Variants in IFI16 observed in about 807,000 individuals in gnomAD.
The protein encoded by IFI16 is gamma-interferon-inducible protein 16.
A neutral mutation model predicts 68.4 loss-of-function variants in IFI16; 49 were observed. That is an observed-to-expected ratio of 0.72 (90% CI 0.57 to 0.91). IFI16 has a LOEUF of 0.91. Ranked by LOEUF, IFI16 falls within the 40% of genes least tolerant of loss-of-function variation. The pLI is 0.00. For missense variants in IFI16, 878 were observed against 942.9 expected (o/e 0.93, Z 0.90); for synonymous variants, 307 against 315.0 (o/e 0.97, Z 0.27).
At position 159,049,443 on chromosome 1, in the gene IFI16, C is replaced by T. The variant is rs1347817337; in HGVS notation, c.1509C>T (p.Asp503=). 1 of 1,432,390 alleles carries T rather than the reference C, an allele frequency of 7.0e-7. No individual in the cohort carries two copies. Among genetic ancestry groups the T allele is most frequent in the Non-Finnish European group, 9.6e-7 (1 of 1,039,182 alleles). 88.7% of individuals were successfully genotyped at this position (1,432,390 alleles called of 1,614,324 possible). Residue 503 remains aspartate, a synonymous_variant, in exon 9 of 12, where the codon GAC becomes GAT. Transcript: ENST00000295809. The part of the protein sequence containing the change: ...SSSFLTTKSE[D]TISKMNDFMR... ...CTATTTTCCTTTAGAAAAGTGAAGA[C>T]ACAATCTCCAAAATGAATGACTTCA... is the stretch of plus-strand genomic sequence containing the variant.
chr1:159,048,727 A>T (rs917333393), intron 8 of IFI16, among the ~76,000 whole-genome samples: 1 of 151,526 alleles, frequency 6.6e-6, no homozygotes, highest in African/African-American at 2.4e-5. Context: ...TAGGGTGAAT[A>T]TTTTTTGGAC....
chr1:159,029,503 T>C (rs1003664472), intron 6 of IFI16, among the ~76,000 whole-genome samples: 11 of 152,178 alleles, frequency 7.2e-5, no homozygotes, highest in African/African-American at 2.7e-4. Flanking sequence ...CCGGGTGTTC[T>C]TTGAGCTTCT....
rs780264246 is a variant in IFI16, at chr1:159,045,512, A to C, written c.1497+48A>C. The C allele has an allele frequency of 1.2e-6, 2 of 1,601,242 alleles. 1 individual carries two copies. Among genetic ancestry groups the C allele is most frequent in the South Asian group, 2.2e-5 (2 of 90,368 alleles). ...ACATTCCCCTCACTACAATGTAATG[A>C]CAAGGATTAACACAACCTTGAAAGC... On this transcript the variant is annotated intron_variant, in intron 8 of 11. Coordinates refer to ENST00000295809, the MANE Select transcript of IFI16 (RefSeq NM_001376587.1).
At position 159,051,941 on chromosome 1, in the gene IFI16, A is replaced by C. The variant is rs761375277; in HGVS notation, c.1928A>C (p.Glu643Ala). The C allele has an allele frequency of 4.3e-6, 7 of 1,614,128 alleles. No individual in the cohort carries two copies. Among genetic ancestry groups the C allele is most frequent in the Non-Finnish European group, 5.9e-6 (7 of 1,179,968 alleles). ...ANYVCRNGFL[E>A]VYPFTLVADV... ...TATGTTTGCCGCAATGGGTTCCTGG[A>C]GGTATATCCTTTCACACTTGTGGCT... The change falls in exon 10 of 12, where the codon GAG becomes GCG. Residue 643 changes from glutamate (E) to alanine (A), a missense_variant. This residue lies in a region of IFI16 where 311 missense variants were observed against 305.1 expected (regional missense o/e 1.02). Coordinates refer to ENST00000295809, the MANE Select transcript of IFI16 (RefSeq NM_001376587.1).
chr1:159,037,512 A>T (rs1393301370), intron 7 of IFI16, among the ~76,000 whole-genome samples: 1 of 152,190 alleles, frequency 6.6e-6, no homozygotes, highest in Non-Finnish European at 1.5e-5. Flanking sequence ...CGACTCCTCT[A>T]AAGCATAGAT....
In IFI16 at chr1:159,018,617, G is replaced by A. The variant is rs1419767882; in HGVS notation, c.938G>A (p.Gly313Glu). ...GATATTCTTCACAAACAAGCTTCAG[G>A]AAATATTGTATATGGGGTATTTATG... ...KIDILHKQAS[G>E]NIVYGVFMLH... Residue 313 changes from glycine (G) to glutamate (E), a missense_variant, in exon 5 of 12, where the codon GGA (glycine) becomes GAA (glutamate). Physicochemically the swap from Gly to Glu is moderately conservative, Grantham distance 98. This residue lies in a region of IFI16 where 443 missense variants were observed against 421.8 expected (regional missense o/e 1.05). Coordinates refer to ENST00000295809, the MANE Select transcript of IFI16 (RefSeq NM_001376587.1). 1 of 1,613,016 alleles carries A rather than the reference G, an allele frequency of 6.2e-7. No homozygotes were observed. Among genetic ancestry groups the A allele is most frequent in the South Asian group, 1.1e-5 (1 of 90,986 alleles).
chr1:159,039,569 C>T lies in IFI16; in HGVS notation c.1330-5728C>T, dbSNP rs762329215. Among the ~76,000 whole-genome samples the T allele has an allele frequency of 2.6e-5, 4 of 152,218 alleles. No individual in the cohort carries two copies. The South Asian group carries it at 8.3e-4, about 32-fold the overall frequency. On this transcript the variant is annotated intron_variant, in intron 7 of 11. Coordinates refer to ENST00000295809, the MANE Select transcript of IFI16 (RefSeq NM_001376587.1). ...ATGTTGGCCAGACTGGTCTTGAACT[C>T]CTCACCTCAGGCAATCCTCCCGCCT...
intron 7 of IFI16, among the ~76,000 whole-genome samples, chr1:159,041,575 A>C (rs1654644234): frequency 6.6e-6 from 1 of 152,176 alleles, no homozygotes. Context: ...ACTCTGAGTC[A>C]TGCCCCCCTC....
intron 9 of IFI16, among the ~76,000 whole-genome samples, chr1:159,050,167 A>G (rs147024316): frequency 3.1e-3 from 469 of 152,320 alleles, no homozygotes; most frequent in African/African-American, 0.011. Flanking sequence ...TTTTATTAAT[A>G]TATCGTGAAC....
chr1:159,039,988 G>A (rs1180054363), intron 7 of IFI16, among the ~76,000 whole-genome samples: 1 of 152,166 alleles, frequency 6.6e-6, no homozygotes, highest in African/African-American at 2.4e-5. Flanking sequence ...AACCAATTTG[G>A]TGCTATCTTA....
upstream of IFI16, among the ~76,000 whole-genome samples, chr1:159,001,291 A>G (rs1652048210): frequency 6.6e-6 from 1 of 152,342 alleles, no homozygotes; most frequent in African/African-American, 2.4e-5. Context: ...AGCAACCTAT[A>G]TGGTAGAGGA....
At chr1:159,004,645 C>A (rs1175439205), upstream of IFI16, among the ~76,000 whole-genome samples, 2 of 152,008 alleles carry the variant, frequency 1.3e-5, no homozygotes, top group Non-Finnish European at 2.9e-5. Context: ...GCAGAGGTTG[C>A]AATGAGCCGA....
chr1:159,010,427 G>A (rs919097186), intron 1 of IFI16, among the ~76,000 whole-genome samples: 56 of 152,130 alleles, frequency 3.7e-4, no homozygotes, highest in African/African-American at 1.2e-3. Context: ...TTAATTATCC[G>A]AGTGTATACT....
At chr1:159,044,788 C>T (rs1452697831) in intron 7 of IFI16, among the ~76,000 whole-genome samples, 3 of 152,108 alleles carry the variant, frequency 2.0e-5, no homozygotes, top group African/African-American at 7.2e-5. Flanking sequence ...GATCATAGAA[C>T]CTTCCCTGAG....
chr1:159,002,318 A>G (rs899302239), upstream of IFI16, among the ~76,000 whole-genome samples: 1 of 152,172 alleles, frequency 6.6e-6, no homozygotes, highest in Admixed American at 6.5e-5. Flanking sequence ...TAAAAAAATT[A>G]AAAAAGAAAG....
In IFI16 at chr1:159,020,349, A is replaced by G; in HGVS notation, c.981A>G (p.Val327=). 1 of 1,603,772 alleles carries G rather than the reference A, an allele frequency of 6.2e-7. No individual in the cohort carries two copies. Among genetic ancestry groups the G allele is most frequent in the South Asian group, 1.1e-5 (1 of 89,414 alleles). ...TTAATTTTCTGTTACAGAAAACAGTAAATCAGAAGACCACAATCTACGAAA... is the reference window on the plus strand; with the variant it reads ...TTAATTTTCTGTTACAGAAAACAGTGAATCAGAAGACCACAATCTACGAAA... ...YGVFMLHKKT[V]NQKTTIYEIQ... is the part of the protein sequence containing the mutation. The change falls in exon 6 of 12, where the codon GTA becomes GTG. Residue 327 remains valine (V), a synonymous_variant. Transcript: ENST00000295809.
intron 6 of IFI16, among the ~76,000 whole-genome samples, chr1:159,024,456 C>T (rs1241129699): frequency 6.6e-6 from 1 of 152,096 alleles, no homozygotes; most frequent in East Asian, 1.9e-4. Context: ...GAAGGGGTAG[C>T]CCTTTTGGTG....
At chr1:159,013,803 C>G (rs856066) in intron 1 of IFI16, among the ~76,000 whole-genome samples, 90,039 of 151,776 alleles carry the variant, frequency 0.59, 32,100 homozygotes, top group Non-Finnish European at 0.77. Context: ...AGCATAGATA[C>G]AAGGAGTACA....
chr1:159,028,734 T>G (rs928898142), intron 6 of IFI16, among the ~76,000 whole-genome samples: 5 of 152,172 alleles, frequency 3.3e-5, no homozygotes, highest in African/African-American at 1.2e-4. Context: ...ATTGGACTAG[T>G]TCTTTTAGCA....
Sources: gnomAD v4.1 joint callset for allele counts (sites outside exome capture counted in the v4.1 genomes callset) on GRCh38, gnomAD v4.1.1 for gene constraint, gnomAD v4.1.1 regional missense constraint, MANE v1.5 for transcripts, NCBI Gene and HGNC (gene_info 2026-07-23, HGNC 2026-07-21) for gene names.